Variants in ADRA2A observed in about 807,000 individuals in gnomAD.
ADRA2A encodes the protein alpha-2A adrenergic receptor.
Under a neutral mutation model 5.9 loss-of-function variants are expected in ADRA2A, and 6 were observed. That is an observed-to-expected ratio of 1.01 (90% CI 0.55 to 2.00). ADRA2A has a LOEUF of 2.00. ADRA2A is among the 30% of genes most tolerant of loss of function. ADRA2A has a pLI of 0.00. For missense variants in ADRA2A, 647 were observed against 690.0 expected, an observed-to-expected ratio of 0.94 and a Z score of 0.70; for synonymous variants, 345 against 325.9, an observed-to-expected ratio of 1.06 and a Z score of -0.63.
At position 111,079,646 on chromosome 10, in the gene ADRA2A, C is replaced by A; in HGVS notation, c.*252C>A. On this transcript the variant is annotated 3_prime_UTR_variant, in exon 1 of 1. Coordinates refer to ENST00000280155, the MANE Select transcript of ADRA2A (RefSeq NM_000681.4). ...CTGGAGCCATCTTCCTAGTGGGCCA[C>A]CCCTAATCACTATTGCTTCCTAAAG... 1.7e-6 allele frequency: 1 copy of A among 597,656 alleles called. No homozygotes were observed. Among genetic ancestry groups the A allele is most frequent in the South Asian group, 2.2e-5 (1 of 46,510 alleles). 37.0% of individuals were successfully genotyped at this position (597,656 alleles called of 1,614,324 possible).
Position 111,078,691 on chromosome 10 carries a change from T to G in ADRA2A, c.695T>G (p.Val232Gly). 1 of 1,570,940 alleles carries G rather than the reference T, an allele frequency of 6.4e-7. No homozygotes were observed. The highest frequency in any genetic ancestry group is 8.6e-7 in the Non-Finnish European group (1 of 1,158,220). Residue 232 changes from valine to glycine, a missense_variant, in exon 1 of 1, where the codon GTG becomes GGG. Physicochemically the swap from Val to Gly is moderately radical, Grantham distance 109. Coordinates refer to ENST00000280155, the MANE Select transcript of ADRA2A (RefSeq NM_000681.4). ...APCLIMILVY[V>G]RIYQIAKRRT... ...TGCCTCATCATGATCCTGGTCTACG[T>G]GCGCATCTACCAGATCGCCAAGCGT...
chr10:111,079,042 G>T lies in ADRA2A; in HGVS notation c.1046G>T (p.Arg349Leu). ...SQVKPGDSLP[R>L]RGPGATGIGT... ...GTGAAGCCGGGCGACAGCCTGCCGCGGCGCGGGCCGGGGGCGACGGGGATC... is the reference window on the plus strand; with the variant it reads ...GTGAAGCCGGGCGACAGCCTGCCGCTGCGCGGGCCGGGGGCGACGGGGATC... Residue 349 changes from arginine (R) to leucine (L), a missense_variant, in exon 1 of 1, where the codon CGG (arginine) becomes CTG (leucine). By Grantham distance (102) the Arg-to-Leu change is moderately radical. Around this residue, in one of 3 missense-constraint regions of ADRA2A, gnomAD observed 577 missense variants for 605.4 expected, o/e 0.95. Coordinates refer to ENST00000280155, the MANE Select transcript of ADRA2A (RefSeq NM_000681.4). The T allele has an allele frequency of 7.9e-7, 1 of 1,269,126 alleles. No individual in the cohort carries two copies. 78.6% of individuals were successfully genotyped at this position (1,269,126 alleles called of 1,614,324 possible). A position where few individuals can be genotyped will look rare whatever the true frequency, so the allele number is the denominator to read the frequency against.
rs752355680 is a variant in ADRA2A, at chr10:111,078,074, G to T, written c.78G>T (p.Ala26=). The T allele has an allele frequency of 8.4e-6, 13 of 1,548,796 alleles. No individual in the cohort carries two copies. Among genetic ancestry groups the T allele is most frequent in the South Asian group, 2.3e-5 (2 of 85,422 alleles). ...CCCTGCAGCCGGACGCGGGCAACGC[G>T]AGCTGGAACGGGACCGAGGCGCCGG... is the stretch of plus-strand genomic sequence containing the variant. ...MGSLQPDAGN[A]SWNGTEAPGG... is the part of the protein sequence containing the mutation. The change falls in exon 1 of 1, where the codon GCG becomes GCT. Residue 26 remains alanine, a synonymous_variant. Transcript: ENST00000280155.
Position 111,079,480 on chromosome 10 carries a change from A to G in ADRA2A, c.*86A>G. On this transcript the variant is annotated 3_prime_UTR_variant, in exon 1 of 1. Transcript: ENST00000280155. ...GTGCTTAGCCCCAGGGCACTCAGAA[A>G]CCCGGGCGCTGCCTGCTCTGCGTTT... 3 of 1,441,496 alleles carry G rather than the reference A, an allele frequency of 2.1e-6. No individual in the cohort carries two copies. Among genetic ancestry groups the G allele is most frequent in the Non-Finnish European group, 2.9e-6 (3 of 1,044,322 alleles). 89.3% of individuals were successfully genotyped at this position (1,441,496 alleles called of 1,614,324 possible). A position where few individuals can be genotyped will look rare whatever the true frequency, so the allele number is the denominator to read the frequency against.
rs1384821161 is a variant in ADRA2A, at chr10:111,079,733, C to T, written c.*339C>T. The T allele has an allele frequency of 2.9e-6, 1 of 339,566 alleles. No individual in the cohort carries two copies. Among genetic ancestry groups the T allele is most frequent in the Non-Finnish European group, 5.7e-6 (1 of 176,538 alleles). 21.0% of individuals were successfully genotyped at this position (339,566 alleles called of 1,614,324 possible). A position where few individuals can be genotyped will look rare whatever the true frequency, so the allele number is the denominator to read the frequency against. On this transcript the variant is annotated 3_prime_UTR_variant, in exon 1 of 1. Coordinates refer to ENST00000280155, the MANE Select transcript of ADRA2A (RefSeq NM_000681.4). ...GCTCTTCAGAGCAAGCACTGGACTA[C>T]AAGGGCATGGCTCACAAAAGGTTAA...
At position 111,079,424 on chromosome 10, in the gene ADRA2A, G is replaced by C. The variant is rs926757757; in HGVS notation, c.*30G>C. On this transcript the variant is annotated 3_prime_UTR_variant, in exon 1 of 1. Coordinates refer to ENST00000280155, the MANE Select transcript of ADRA2A (RefSeq NM_000681.4). ...TCCGCTGGCGCCCGCGTAGACTCAC[G>C]CTGACTGCAGGCAGCGGGGGGCATC... The C allele has an allele frequency of 6.2e-7, 1 of 1,608,694 alleles. No individual in the cohort carries two copies. The highest frequency in any genetic ancestry group is 8.5e-7 in the Non-Finnish European group (1 of 1,176,282).
In ADRA2A at chr10:111,078,850, C is replaced by T; in HGVS notation, c.854C>T (p.Pro285Leu). 8.3e-7 allele frequency: 1 copy of T among 1,211,668 alleles called. No individual in the cohort carries two copies. The highest frequency in any genetic ancestry group is 1.0e-6 in the Non-Finnish European group (1 of 975,974). The allele number at this position is 1,211,668 out of a possible 1,614,324, so 75.1% of individuals were successfully genotyped here. The part of the protein sequence containing the change: ...GPGGAEAEPL[P>L]TQLNGAPGEP... The stretch of plus-strand genomic sequence containing the variant: ...GGGGGCGCAGAGGCCGAACCGCTGC[C>T]CACCCAGCTCAACGGCGCCCCTGGC... Residue 285 changes from proline (P) to leucine (L), a missense_variant, in exon 1 of 1, where the codon CCC (proline) becomes CTC (leucine). Pro to Leu is a moderately conservative substitution (Grantham distance 98). Coordinates refer to ENST00000280155, the MANE Select transcript of ADRA2A (RefSeq NM_000681.4).
At position 111,078,989 on chromosome 10, in the gene ADRA2A, G is replaced by C; in HGVS notation, c.993G>C (p.Arg331=). ...PGPRRPERGP[R]GKGKARASQV... is the part of the protein sequence containing the mutation. The stretch of plus-strand genomic sequence containing the variant: ...CCCGCAGACCCGAGCGCGGTCCCCG[G>C]GGCAAAGGCAAGGCCCGAGCGAGCC... Residue 331 remains arginine, a synonymous_variant, in exon 1 of 1, where the codon CGG becomes CGC. Transcript: ENST00000280155. 8 of 1,237,292 alleles carry C rather than the reference G, an allele frequency of 6.5e-6. No individual in the cohort carries two copies. Among genetic ancestry groups the C allele is most frequent in the Non-Finnish European group, 7.0e-6 (7 of 993,236 alleles). 76.6% of individuals were successfully genotyped at this position (1,237,292 alleles called of 1,614,324 possible).
rs2134209439 is a variant in ADRA2A, at chr10:111,079,733, CA to C, written c.*341del. The C allele has an allele frequency of 2.9e-6, 1 of 339,684 alleles. No individual in the cohort carries two copies. Among genetic ancestry groups the C allele is most frequent in the East Asian group, 5.8e-5 (1 of 17,136 alleles). The allele number at this position is 339,684 out of a possible 1,614,324, so 21.0% of individuals were successfully genotyped here. A position where few individuals can be genotyped will look rare whatever the true frequency, so the allele number is the denominator to read the frequency against. On this transcript the variant is annotated 3_prime_UTR_variant, in exon 1 of 1. Transcript: ENST00000280155. ...GCTCTTCAGAGCAAGCACTGGACTA[CA>C]AGGGCATGGCTCACAAAAGGTTAAT... is the stretch of plus-strand genomic sequence containing the variant.
In ADRA2A at chr10:111,077,705, C is replaced by G. The variant is rs1369115768; in HGVS notation, c.-292C>G. 4.9e-6 allele frequency: 1 copy of G among 202,756 alleles called. No individual in the cohort carries two copies. The highest frequency in any genetic ancestry group is 8.9e-5 in the East Asian group (1 of 11,228). 12.6% of individuals were successfully genotyped at this position (202,756 alleles called of 1,614,324 possible). A position where few individuals can be genotyped will look rare whatever the true frequency, so the allele number is the denominator to read the frequency against. ...TCTTGAAGAATAAATCTCTCTTTAC[C>G]CATCGGCTCTCCCTACTCTCTCCCG... On this transcript the variant is annotated 5_prime_UTR_variant, in exon 1 of 1. Transcript: ENST00000280155.
rs1843562820 is a variant in ADRA2A at position 111,078,631 on chromosome 10, T to C, written c.635T>C (p.Val212Ala). The C allele has an allele frequency of 6.3e-7, 1 of 1,591,728 alleles. No individual in the cohort carries two copies. The highest frequency in any genetic ancestry group is 8.6e-7 in the Non-Finnish European group (1 of 1,168,612). Reference sequence around the variant, plus strand: ...GAGATCAACGACCAGAAGTGGTACGTCATCTCGTCGTGCATCGGCTCCTTC... The same window carrying C: ...GAGATCAACGACCAGAAGTGGTACGCCATCTCGTCGTGCATCGGCTCCTTC... ...RCEINDQKWYVISSCIGSFFA... is the reference protein window; with the variant it reads ...RCEINDQKWYAISSCIGSFFA... The change falls in exon 1 of 1, where the codon GTC becomes GCC. Residue 212 changes from valine (V) to alanine (A), a missense_variant. Transcript: ENST00000280155.
At position 111,077,815 on chromosome 10, in the gene ADRA2A, A is replaced by C. The variant is rs1589531363; in HGVS notation, c.-182A>C. ...AGCGTCTGAAGCGCGAGCCAGGCGC[A>C]GTTCGCGGGACCCGGGCCATGGGCC... On this transcript the variant is annotated 5_prime_UTR_variant, in exon 1 of 1. Transcript: ENST00000280155. The C allele has an allele frequency of 3.2e-6, 3 of 933,844 alleles. No homozygotes were observed. In the East Asian group the frequency reaches 1.0e-4, roughly 32 times the overall value. 57.8% of individuals were successfully genotyped at this position (933,844 alleles called of 1,614,324 possible). A position where few individuals can be genotyped will look rare whatever the true frequency, so the allele number is the denominator to read the frequency against.
At position 111,078,990 on chromosome 10, in the gene ADRA2A, G is replaced by C. The variant is rs1843567934; in HGVS notation, c.994G>C (p.Gly332Arg). The change falls in exon 1 of 1, where the codon GGC (glycine) becomes CGC (arginine). Residue 332 changes from glycine (G) to arginine (R), a missense_variant. Around this residue, in one of 3 missense-constraint regions of ADRA2A, gnomAD observed 577 missense variants for 605.4 expected, o/e 0.95. Transcript: ENST00000280155. ...CCGCAGACCCGAGCGCGGTCCCCGG[G>C]GCAAAGGCAAGGCCCGAGCGAGCCA... ...GPRRPERGPR[G>R]KGKARASQVK... 2 of 1,237,562 alleles carry C rather than the reference G, an allele frequency of 1.6e-6. No individual in the cohort carries two copies. The highest frequency in any genetic ancestry group is 2.0e-6 in the Non-Finnish European group (2 of 993,514). The allele number at this position is 1,237,562 out of a possible 1,614,324, so 76.7% of individuals were successfully genotyped here.
Position 111,078,228 on chromosome 10 carries a change from G to C in ADRA2A, c.232G>C (p.Ala78Pro). 1 of 1,613,636 alleles carries C rather than the reference G, an allele frequency of 6.2e-7. No homozygotes were observed. Among genetic ancestry groups the C allele is most frequent in the Non-Finnish European group, 8.5e-7 (1 of 1,179,992 alleles). The change falls in exon 1 of 1, where the codon GCG (alanine) becomes CCG (proline). Residue 78 changes from alanine to proline, a missense_variant. By Grantham distance (27) the Ala-to-Pro change is conservative (BLOSUM62 -1). Transcript: ENST00000280155. The stretch of plus-strand genomic sequence containing the variant: ...CATCATCGCCGTGTTCACGAGCCGC[G>C]CGCTCAAGGCGCCCCAAAACCTCTT... ...LVIIAVFTSR[A>P]LKAPQNLFLV...
Position 111,079,782 on chromosome 10 carries a change from G to T in ADRA2A, c.*388G>T, listed in dbSNP as rs1414373863. ...AATGGATGGGGGTTACCTAGCCCTG[G>T]CTAATTCCCCTTCCATTCCCAACTC... On this transcript the variant is annotated 3_prime_UTR_variant, in exon 1 of 1. Transcript: ENST00000280155. 4 of 225,172 alleles carry T rather than the reference G, an allele frequency of 1.8e-5. No individual in the cohort carries two copies. Among genetic ancestry groups the T allele is most frequent in the Admixed American group, 1.1e-4 (2 of 18,080 alleles). The allele number at this position is 225,172 out of a possible 1,614,324, so 13.9% of individuals were successfully genotyped here.
rs1271796267 is a variant in ADRA2A, at chr10:111,078,032, C to G, written c.36C>G (p.Ser12Arg). 2.0e-6 allele frequency: 3 copies of G among 1,485,744 alleles called. No homozygotes were observed. The Admixed American group carries it at 7.4e-5, about 36-fold the overall frequency. 92.0% of individuals were successfully genotyped at this position (1,485,744 alleles called of 1,614,324 possible). A position where few individuals can be genotyped will look rare whatever the true frequency, so the allele number is the denominator to read the frequency against. ...FRQEQPLAEGSFAPMGSLQPD... is the reference protein window; with the variant it reads ...FRQEQPLAEGRFAPMGSLQPD... ...AGGAGCAGCCGTTGGCCGAGGGCAG[C>G]TTTGCGCCCATGGGCTCCCTGCAGC... The change falls in exon 1 of 1, where the codon AGC becomes AGG. Residue 12 changes from serine (S) to arginine (R), a missense_variant. Ser to Arg is a moderately radical substitution (Grantham distance 110). Coordinates refer to ENST00000280155, the MANE Select transcript of ADRA2A (RefSeq NM_000681.4).
chr10:111,079,004 C>T lies in ADRA2A; in HGVS notation c.1008C>T (p.Ala336=). ...GCGGTCCCCGGGGCAAAGGCAAGGC[C>T]CGAGCGAGCCAGGTGAAGCCGGGCG... ...PERGPRGKGK[A]RASQVKPGDS... The change falls in exon 1 of 1, where the codon GCC becomes GCT. Residue 336 remains alanine (A), a synonymous_variant. Transcript: ENST00000280155. The T allele has an allele frequency of 1.6e-6, 2 of 1,248,720 alleles. No individual in the cohort carries two copies. Among genetic ancestry groups the T allele is most frequent in the Middle Eastern group, 3.0e-4 (1 of 3,358 alleles). 77.4% of individuals were successfully genotyped at this position (1,248,720 alleles called of 1,614,324 possible).
Position 111,077,814 on chromosome 10 carries a change from C to T in ADRA2A, c.-183C>T. 1 of 929,310 alleles carries T rather than the reference C, an allele frequency of 1.1e-6. No individual in the cohort carries two copies. The allele number at this position is 929,310 out of a possible 1,614,324, so 57.6% of individuals were successfully genotyped here. A position where few individuals can be genotyped will look rare whatever the true frequency, so the allele number is the denominator to read the frequency against. On this transcript the variant is annotated 5_prime_UTR_variant, in exon 1 of 1. Transcript: ENST00000280155. ...GAGCGTCTGAAGCGCGAGCCAGGCG[C>T]AGTTCGCGGGACCCGGGCCATGGGC...
In ADRA2A at chr10:111,078,191, C is replaced by T. The variant is rs1564745396; in HGVS notation, c.195C>T (p.Gly65=). The T allele has an allele frequency of 2.5e-6, 4 of 1,612,608 alleles. No homozygotes were observed. The highest frequency in any genetic ancestry group is 3.4e-6 in the Non-Finnish European group (4 of 1,179,840). Residue 65 remains glycine, a synonymous_variant, in exon 1 of 1, where the codon GGC becomes GGT. Transcript: ENST00000280155. ...TGCTCATGCTGCTCACCGTGTTCGG[C>T]AACGTGCTCGTCATCATCGCCGTGT... ...AGLLMLLTVF[G]NVLVIIAVFT... is the part of the protein sequence containing the mutation.
Sources: gnomAD v4.1 joint callset for allele counts on GRCh38, gnomAD v4.1.1 for gene constraint, gnomAD v4.1.1 regional missense constraint, MANE v1.5 for transcripts, NCBI Gene and HGNC (gene_info 2026-07-23, HGNC 2026-07-21) for gene names.